The following FARP1 variants were observed in gnomAD, a reference collection of about 807,000 sequenced individuals.
The protein encoded by FARP1 is FERM, ARH/RhoGEF and pleckstrin domain protein 1.
In FARP1, 52 loss-of-function variants were observed where a neutral mutation model predicts 128.8. That is an observed-to-expected ratio of 0.40 (90% CI 0.32 to 0.51). FARP1 has a LOEUF of 0.51. Among genes scored for constraint, FARP1 ranks in the 20% least tolerant of loss-of-function variants. The probability of loss-of-function intolerance (pLI) is 0.45; values close to 1 mark genes in which losing one functional copy is unlikely to be tolerated. For missense variants in FARP1, 1,333 were observed against 1,367.9 expected, an observed-to-expected ratio of 0.97 and a Z score of 0.40; for synonymous variants, 580 against 551.8, an observed-to-expected ratio of 1.05 and a Z score of -0.72.
intron 5 of FARP1, 45 bp from the exon 6 acceptor site, chr13:98,377,766 TCCCGGTGACC>T (rs1042174944): frequency 4.5e-6 from 6 of 1,337,456 alleles, no homozygotes; most frequent in African/African-American, 1.4e-5. Flanking sequence ...GAGGCCAGGT[TCCCGGTGACC>T]TCCTGCCCTC....
intron 3 of FARP1, among the ~76,000 whole-genome samples, chr13:98,363,177 G>A (rs570854924): frequency 1.3e-5 from 2 of 152,222 alleles, no homozygotes; most frequent in African/African-American, 2.4e-5. Flanking sequence ...TGGCCTTGGC[G>A]GGGCCAGGCC....
chr13:98,158,983 A>C (rs762154609), intron 1 of FARP1, among the ~76,000 whole-genome samples: 3 of 152,186 alleles, frequency 2.0e-5, no homozygotes, highest in Non-Finnish European at 2.9e-5. Context: ...AGGAAGGTTC[A>C]TCAGTCCTAA....
At chr13:98,429,700 C>A (rs1416596543) in intron 17 of FARP1, among the ~76,000 whole-genome samples, 1 of 152,088 alleles carries the variant, frequency 6.6e-6, no homozygotes. Context: ...TGTGTCTGGA[C>A]AGCTGTGTTT....
At chr13:98,230,818 G>A (rs1256368696) in intron 2 of FARP1, among the ~76,000 whole-genome samples, 5 of 152,146 alleles carry the variant, frequency 3.3e-5, no homozygotes, top group Non-Finnish European at 5.9e-5. Context: ...AGGTGTATTA[G>A]TCTGTTCTCA....
chr13:98,396,092 T>C (rs1890533529), intron 13 of FARP1: 4 of 399,146 alleles, frequency 1.0e-5, no homozygotes, highest in Non-Finnish European at 1.8e-5. Context: ...CCACTCATCC[T>C]TAGCCAGGTA....
chr13:98,308,031 CTCTTTTTTTTTTTT>C (rs1886258807), intron 2 of FARP1, among the ~76,000 whole-genome samples: 3 of 10,514 alleles, frequency 2.9e-4, no homozygotes, highest in South Asian at 8.6e-3. Flanking sequence ...CCCACTCTCT[CTCTTTTTTTTTTTT>C]TTTTTTTTTT....
In FARP1 at chr13:98,343,189, A is replaced by AGGAG. The variant is rs61503369; in HGVS notation, c.172-559_172-556dup. Among the ~76,000 whole-genome samples, 377 of 152,280 alleles carry AGGAG rather than the reference A, an allele frequency of 2.5e-3. 3 individuals are homozygous for AGGAG. The East Asian group carries it at 0.034, about 14-fold the overall frequency. On this transcript the variant is annotated intron_variant, in intron 2 of 26. Transcript: ENST00000319562. ...GTAAGATCAGTGTTCGCCAGGGATT[A>AGGAG]GGAGGGAGGGAGGGAGGAATAGCTG...
At chr13:98,215,765 CAT>C (rs1304600802) in intron 2 of FARP1, among the ~76,000 whole-genome samples, 3 of 151,868 alleles carry the variant, frequency 2.0e-5, no homozygotes, top group South Asian at 2.1e-4. Flanking sequence ...TTCGTTTTCA[CAT>C]GTCTCCTCCA....
intron 10 of FARP1, among the ~76,000 whole-genome samples, 164 bp downstream of exon 10, chr13:98,390,284 T>A (rs1015432496): frequency 4.5e-4 from 69 of 152,324 alleles, no homozygotes; most frequent in Admixed American, 4.5e-3. Flanking sequence ...GGGCTCTGTT[T>A]GAACAGCAGA....
chr13:98,296,268 G>T (rs685635), intron 2 of FARP1, among the ~76,000 whole-genome samples: 3 of 152,066 alleles, frequency 2.0e-5, no homozygotes, highest in African/African-American at 7.2e-5. Flanking sequence ...CAGCCTCACC[G>T]CCATCATTCC....
rs1490364559 is a variant in FARP1 at position 98,143,292 on chromosome 13, C to T, written c.-224C>T. 1 of 149,504 alleles carries T rather than the reference C, an allele frequency of 6.7e-6. No individual in the cohort carries two copies. Among genetic ancestry groups the T allele is most frequent in the African/African-American group, 2.4e-5 (1 of 41,100 alleles). 9.3% of individuals were successfully genotyped at this position (149,504 alleles called of 1,614,324 possible). ...TCCCCACCCACCCCGCCTGCTCCGC[C>T]CTCCCCTCCGCCCCGCGCCACCTTT... On this transcript the variant is annotated 5_prime_UTR_variant, in exon 1 of 27. Coordinates refer to ENST00000319562, the MANE Select transcript of FARP1 (RefSeq NM_005766.4).
chr13:98,197,359 G>C (rs891290901), intron 1 of FARP1, among the ~76,000 whole-genome samples: 1 of 151,652 alleles, frequency 6.6e-6, no homozygotes, highest in African/African-American at 2.4e-5. Context: ...CCAGCTACTC[G>C]GGAGGCTGAG....
At chr13:98,265,811 G>A (rs542815132) in intron 2 of FARP1, among the ~76,000 whole-genome samples, 1 of 152,278 alleles carries the variant, frequency 6.6e-6, no homozygotes, top group East Asian at 1.9e-4. Context: ...TCTGGATCCT[G>A]TGGCGTGGGG....
chr13:98,431,134 G>A lies in FARP1; in HGVS notation c.1997G>A (p.Arg666Lys), dbSNP rs767461691. 1.2e-6 allele frequency: 2 copies of A among 1,614,204 alleles called. No homozygotes were observed. The highest frequency in any genetic ancestry group is 2.2e-5 in the South Asian group (2 of 91,078). Residue 666 changes from arginine to lysine, a missense_variant, in exon 18 of 27, where the codon AGA (arginine) becomes AAA (lysine). Coordinates refer to ENST00000319562, the MANE Select transcript of FARP1 (RefSeq NM_005766.4). ...KSSRRLENFC[R>K]DFELQKVCYL... ...TCCCGGCGGCTGGAGAACTTCTGCA[G>A]AGACTTTGAGCTGCAGAAGGTGTGT...
At chr13:98,244,534 G>A (rs1277876133) in intron 2 of FARP1, 12 of 1,614,008 alleles carry the variant, frequency 7.4e-6, no homozygotes, top group Non-Finnish European at 1.0e-5. Flanking sequence ...GGCTCCTCCT[G>A]GACGGGTTGG....
At chr13:98,385,381 G>C (rs1258075175) in intron 7 of FARP1, among the ~76,000 whole-genome samples, 1 of 151,812 alleles carries the variant, frequency 6.6e-6, no homozygotes, top group Non-Finnish European at 1.5e-5. Flanking sequence ...GCTTTTATAT[G>C]AGCTTAAAGG....
intron 17 of FARP1, among the ~76,000 whole-genome samples, chr13:98,430,464 C>G (rs3825432): frequency 0.19 from 29,490 of 152,134 alleles, 3,074 homozygotes; most frequent in African/African-American, 0.26. Context: ...CTTTAATGCT[C>G]TGTCATCCAA....
chr13:98,183,400 C>A (rs755938520), intron 1 of FARP1, among the ~76,000 whole-genome samples: 2 of 152,066 alleles, frequency 1.3e-5, no homozygotes, highest in Non-Finnish European at 2.9e-5. Flanking sequence ...TTTAGAAGGA[C>A]CATTTTATCT....
chr13:98,330,548 A>G (rs1887459288), intron 2 of FARP1, among the ~76,000 whole-genome samples: 2 of 152,140 alleles, frequency 1.3e-5, no homozygotes. Flanking sequence ...TGAAGTCAGG[A>G]GTTCGAGACC....
Sources: gnomAD v4.1 joint callset for allele counts (sites outside exome capture counted in the v4.1 genomes callset) on GRCh38, gnomAD v4.1.1 for gene constraint, MANE v1.5 for transcripts, NCBI Gene and HGNC (gene_info 2026-07-23, HGNC 2026-07-21) for gene names.